BARD1: variants seen among roughly 807,000 people sequenced by gnomAD.
BARD1 encodes the protein BRCA1-associated RING domain protein 1.
Under a neutral mutation model 77.0 loss-of-function variants are expected in BARD1, and 73 were observed. The ratio of observed to expected loss-of-function variants is 0.95; its 90% CI spans 0.79 to 1.15. The LOEUF is 1.15. BARD1 is among the 50% of genes most tolerant of loss of function. The probability of loss-of-function intolerance (pLI) is 0.00; values close to 1 mark genes in which losing one functional copy is unlikely to be tolerated. For missense variants in BARD1, 993 were observed against 938.8 expected (o/e 1.06, Z -0.75); for synonymous variants, 384 against 338.0 (o/e 1.14, Z -1.49).
intron 7 of BARD1, among the ~76,000 whole-genome samples, chr2:214,750,728 CT>C (rs1693367182): frequency 6.6e-6 from 1 of 152,126 alleles, no homozygotes. Flanking sequence ...CACGGAAAGG[CT>C]TCAGGGAAAG....
At chr2:214,776,997 T>C (rs1182307210) in intron 4 of BARD1, among the ~76,000 whole-genome samples, 1 of 152,070 alleles carries the variant, frequency 6.6e-6, no homozygotes, top group East Asian at 1.9e-4. Context: ...CAGCAAGAAA[T>C]CTGGATCTCA....
At chr2:214,785,926 A>AAG (rs902160377) in intron 3 of BARD1, among the ~76,000 whole-genome samples, 16 of 151,856 alleles carry the variant, frequency 1.1e-4, no homozygotes, top group African/African-American at 2.7e-4. Flanking sequence ...AAAGAAAGAG[A>AAG]AGAGAGAGAG....
At chr2:214,772,442 T>C (rs1463825314) in intron 4 of BARD1, among the ~76,000 whole-genome samples, 4 of 151,454 alleles carry the variant, frequency 2.6e-5, no homozygotes, top group Non-Finnish European at 5.9e-5. Context: ...TAATTCTACA[T>C]GGTAATGCAA....
chr2:214,773,023 T>C (rs572332297), intron 4 of BARD1, among the ~76,000 whole-genome samples: 149 of 152,330 alleles, frequency 9.8e-4, no homozygotes, highest in South Asian at 2.3e-3. Context: ...ATGAATTTGG[T>C]ATTTTCAAGT....
intron 10 of BARD1, 136 bp from the exon 11 acceptor site, chr2:214,729,144 T>C (rs986125202): frequency 3.5e-6 from 4 of 1,146,248 alleles, no homozygotes; most frequent in African/African-American, 3.1e-5. Flanking sequence ...CATTTCAGAT[T>C]CATAAATTTT....
rs1381722850 is a variant in BARD1, at chr2:214,727,909, TA to T, written c.*766del. On this transcript the variant is annotated 3_prime_UTR_variant, in exon 11 of 11. Transcript: ENST00000260947. ...CAGACCTTTTAAAAAATACTAACAT[TA>T]AAATGTGTTAGAGAAAATGCTCTAA... The T allele has an allele frequency of 4.6e-6, 1 of 216,036 alleles. No individual in the cohort carries two copies. Among genetic ancestry groups the T allele is most frequent in the African/African-American group, 2.2e-5 (1 of 44,478 alleles). 13.4% of individuals were successfully genotyped at this position (216,036 alleles called of 1,614,324 possible). A position where few individuals can be genotyped will look rare whatever the true frequency, so the allele number is the denominator to read the frequency against.
At chr2:214,759,151 T>A (rs1693832041) in intron 6 of BARD1, among the ~76,000 whole-genome samples, 1 of 152,206 alleles carries the variant, frequency 6.6e-6, no homozygotes, top group South Asian at 2.1e-4. Context: ...GCAATTAATT[T>A]TTTAAAATTA....
At position 214,730,438 on chromosome 2, in the gene BARD1, G is replaced by C; in HGVS notation, c.1974C>G (p.Arg658=). 1.9e-6 allele frequency: 3 copies of C among 1,613,790 alleles called. No individual in the cohort carries two copies. The highest frequency in any genetic ancestry group is 2.5e-6 in the Non-Finnish European group (3 of 1,179,804). The change falls in exon 10 of 11, where the codon CGC becomes CGG. Residue 658 remains arginine, a synonymous_variant. Coordinates refer to ENST00000260947, the MANE Select transcript of BARD1 (RefSeq NM_000465.4). ...GCTGTTCTCTGTTGAGCCTGCTTCTGCGTGGACCTTCAGGAATTTCATACT... is the reference window on the plus strand; with the variant it reads ...GCTGTTCTCTGTTGAGCCTGCTTCTCCGTGGACCTTCAGGAATTTCATACT... ...EEKYEIPEGP[R]RSRLNREQLL...
At chr2:214,746,406 C>T (rs1055829078) in intron 7 of BARD1, among the ~76,000 whole-genome samples, 4 of 151,944 alleles carry the variant, frequency 2.6e-5, no homozygotes, top group African/African-American at 9.7e-5. Flanking sequence ...AGATCAGATC[C>T]ATAAATAGTA....
intron 9 of BARD1, among the ~76,000 whole-genome samples, 187 bp downstream of exon 9, chr2:214,744,880 C>G (rs559322640): frequency 6.6e-6 from 1 of 152,310 alleles, no homozygotes; most frequent in African/African-American, 2.4e-5. Context: ...ATCCGCCCAC[C>G]TGGGCCTCCC....
intron 3 of BARD1, among the ~76,000 whole-genome samples, chr2:214,788,244 A>G (rs1248398290): frequency 6.6e-6 from 1 of 151,982 alleles, no homozygotes; most frequent in Admixed American, 6.6e-5. Flanking sequence ...CAGCACCTGC[A>G]AGGTCTGACT....
At chr2:214,795,577 G>GA (rs1695722347) in intron 2 of BARD1, among the ~76,000 whole-genome samples, 1 of 152,134 alleles carries the variant, frequency 6.6e-6, no homozygotes, top group Non-Finnish European at 1.5e-5. Flanking sequence ...GCCAAAAAGG[G>GA]AAGACCAGCT....
intron 1 of BARD1, among the ~76,000 whole-genome samples, chr2:214,804,911 C>CTAG (rs1036382292): frequency 2.0e-5 from 3 of 152,166 alleles, no homozygotes; most frequent in Non-Finnish European, 4.4e-5. Context: ...GCCTGTAATC[C>CTAG]TAGCACTTTA....
chr2:214,799,211 G>T (rs1040693764), intron 1 of BARD1, among the ~76,000 whole-genome samples: 1 of 152,326 alleles, frequency 6.6e-6, no homozygotes, highest in Middle Eastern at 3.4e-3. Context: ...TGAGGCACAA[G>T]AATCACTTGA....
chr2:214,788,447 T>C (rs1435866917), intron 3 of BARD1, among the ~76,000 whole-genome samples: 1 of 152,044 alleles, frequency 6.6e-6, no homozygotes, highest in Non-Finnish European at 1.5e-5. Context: ...TTAGAAAGTA[T>C]TACTACAAAT....
rs754012979 is a variant in BARD1 at position 214,730,465 on chromosome 2, T to A, written c.1947A>T (p.Glu649Asp). The A allele has an allele frequency of 6.2e-7, 1 of 1,614,028 alleles. No homozygotes were observed. Among genetic ancestry groups the A allele is most frequent in the Non-Finnish European group, 8.5e-7 (1 of 1,179,974 alleles). The change falls in exon 10 of 11, where the codon GAA becomes GAT. Residue 649 changes from glutamate (E) to aspartate (D), a missense_variant. Physicochemically the swap from Glu to Asp is conservative, Grantham distance 45 (BLOSUM62 2). Transcript: ENST00000260947. ...CLRRKVCEQE[E>D]KYEIPEGPRR... Reference sequence around the variant, plus strand: ...GTGGACCTTCAGGAATTTCATACTTTTCTTCCTGTTCACATACTTTTCTTC... The same window carrying A: ...GTGGACCTTCAGGAATTTCATACTTATCTTCCTGTTCACATACTTTTCTTC...
chr2:214,782,665 A>G (rs1323993106), intron 3 of BARD1, among the ~76,000 whole-genome samples: 1 of 152,072 alleles, frequency 6.6e-6, no homozygotes, highest in African/African-American at 2.4e-5. Context: ...CTTTACACTC[A>G]CCTGCTACTT....
intron 7 of BARD1, among the ~76,000 whole-genome samples, chr2:214,747,025 C>A (rs1164566743): frequency 6.6e-6 from 1 of 151,964 alleles, no homozygotes; most frequent in Non-Finnish European, 1.5e-5. Flanking sequence ...AACAAACAAC[C>A]CCATCAACAA....
chr2:214,734,022 G>C (rs1036177138), intron 9 of BARD1, among the ~76,000 whole-genome samples: 1 of 152,032 alleles, frequency 6.6e-6, no homozygotes, highest in African/African-American at 2.4e-5. Context: ...TAACAAATGT[G>C]GGAGCAGATT....
Sources: allele counts gnomAD v4.1 joint callset (sites outside exome capture counted in the v4.1 genomes callset), GRCh38; gene constraint gnomAD v4.1.1; transcripts MANE v1.5; gene names NCBI Gene and HGNC (gene_info 2026-07-23, HGNC 2026-07-21).